Variants in GLB1L2 observed in about 807,000 individuals in gnomAD.
The protein encoded by GLB1L2 is beta-galactosidase-1-like protein 2.
In GLB1L2, 68 loss-of-function variants were observed where a neutral mutation model predicts 84.1. The observed-to-expected ratio is 0.81, with a 90% confidence interval of 0.67 to 0.99. The LOEUF is 0.99. Among genes scored for constraint, GLB1L2 ranks in the 50% least tolerant of loss-of-function variants. GLB1L2 has a pLI of 0.00. For missense variants in GLB1L2, 762 were observed against 805.6 expected (o/e 0.95, Z 0.66); for synonymous variants, 290 against 318.0 (o/e 0.91, Z 0.94).
chr11:134,355,423 GA>G (rs1323383196), intron 5 of GLB1L2, among the ~76,000 whole-genome samples: 2 of 151,956 alleles, frequency 1.3e-5, no homozygotes, highest in African/African-American at 4.8e-5. Flanking sequence ...TTGGGCTTTT[GA>G]AAAAACAAAC....
intron 1 of GLB1L2, among the ~76,000 whole-genome samples, chr11:134,340,559 C>CCTTT (rs1434479923): frequency 6.6e-6 from 1 of 152,166 alleles, no homozygotes; most frequent in African/African-American, 2.4e-5. Flanking sequence ...CAAAGCAAAG[C>CCTTT]GCCTGGTGAG....
At chr11:134,374,900 C>T in intron 18 of GLB1L2, 72 bp from the exon 19 acceptor site, 9 of 1,437,786 alleles carry the variant, frequency 6.3e-6, no homozygotes, top group Non-Finnish European at 7.7e-6. Flanking sequence ...TCTGACCCTG[C>T]CACCTCTCAG....
chr11:134,372,174 A>G (rs1489807639), intron 15 of GLB1L2, among the ~76,000 whole-genome samples: 1 of 152,180 alleles, frequency 6.6e-6, no homozygotes, highest in Non-Finnish European at 1.5e-5. Context: ...CCAGGAATCC[A>G]AGGAAAGGCA....
At chr11:134,374,755 C>T (rs776853708) in intron 18 of GLB1L2, 37 bp downstream of exon 18, 1 of 1,517,060 alleles carries the variant, frequency 6.6e-7, no homozygotes, top group Non-Finnish European at 9.1e-7. Flanking sequence ...CCCCATGACG[C>T]CCTGCCCACC....
Position 134,340,429 on chromosome 11 carries a change from G to C in GLB1L2, c.87-2325G>C, listed in dbSNP as rs1454173062. Among the ~76,000 whole-genome samples the C allele has an allele frequency of 1.3e-5, 2 of 152,224 alleles. 1 individual carries two copies. The highest frequency in any genetic ancestry group is 4.8e-5 in the African/African-American group (2 of 41,452). Reference sequence around the variant, plus strand: ...CATGTGCCTCTGAGGGAACCAGGGGGAGAACCTGTGTTGCGGCGGGCAGGT... The same window carrying C: ...CATGTGCCTCTGAGGGAACCAGGGGCAGAACCTGTGTTGCGGCGGGCAGGT... On this transcript the variant is annotated intron_variant, in intron 1 of 18. Transcript: ENST00000535456.
intron 1 of GLB1L2, among the ~76,000 whole-genome samples, chr11:134,342,215 T>G (rs867317243): frequency 5.0e-4 from 76 of 152,158 alleles, no homozygotes; most frequent in African/African-American, 1.7e-3. Flanking sequence ...TGGGGGACTC[T>G]GCTCTAGCTG....
At chr11:134,353,153 A>G (rs754613572) in intron 5 of GLB1L2, among the ~76,000 whole-genome samples, 4 of 152,160 alleles carry the variant, frequency 2.6e-5, no homozygotes, top group Non-Finnish European at 4.4e-5. Context: ...TCATGCCTGT[A>G]ATCCTAGCAC....
At chr11:134,361,773 T>G (rs1191805099) in intron 7 of GLB1L2, among the ~76,000 whole-genome samples, 2 of 152,252 alleles carry the variant, frequency 1.3e-5, no homozygotes, top group South Asian at 4.2e-4. Flanking sequence ...GCTGCTTGGC[T>G]GCATCCCGCG....
In GLB1L2 at chr11:134,370,070, G is replaced by T. The variant is rs1943926872; in HGVS notation, c.1108+185G>T. Among the ~76,000 whole-genome samples the T allele has an allele frequency of 1.3e-5, 2 of 152,178 alleles. No homozygotes were observed. Among genetic ancestry groups the T allele is most frequent in the South Asian group, 4.1e-4 (2 of 4,834 alleles). On this transcript the variant is annotated intron_variant, in intron 11 of 18. Coordinates refer to ENST00000535456, the MANE Select transcript of GLB1L2 (RefSeq NM_001370461.1). This position sits in a 1 kb window ranked among gnomAD's most constrained non-coding sequence, Gnocchi z 4.7. ...CTTGCCGGCTTCACCTGTTACAGGT[G>T]TTAACGCTCCTTATCTCCTGTGGAG...
At chr11:134,374,089 G>T in intron 16 of GLB1L2, 56 bp from the exon 17 acceptor site, 3 of 1,326,964 alleles carry the variant, frequency 2.3e-6, no homozygotes, top group South Asian at 1.2e-5. Flanking sequence ...TTGCTTTATT[G>T]TGCTGGTGGA....
chr11:134,336,463 T>G lies in GLB1L2; in HGVS notation c.86+4316T>G, dbSNP rs1178013293. ...CCCACTTGTCCATTAGACACATAAT[T>G]TATTTAAACAGCCTTCTACTGATGG... On this transcript the variant is annotated intron_variant, in intron 1 of 18. Coordinates refer to ENST00000535456, the MANE Select transcript of GLB1L2 (RefSeq NM_001370461.1). 2.0e-5 allele frequency among the ~76,000 whole-genome samples: 3 copies of G among 152,216 alleles called. No homozygotes were observed. The East Asian group carries it at 5.8e-4, about 29-fold the overall frequency.
In GLB1L2 at chr11:134,342,949, C is replaced by A; in HGVS notation, c.282C>A (p.Thr94=). 6.2e-7 allele frequency: 1 copy of A among 1,609,216 alleles called. No individual in the cohort carries two copies. The highest frequency in any genetic ancestry group is 8.5e-7 in the Non-Finnish European group (1 of 1,176,710). ...KMKACGLNTL[T]TYVPWNLHEP... is the part of the protein sequence containing the mutation. ...AGGCCTGTGGCTTGAACACCCTCAC[C>A]ACGTAGGTGCTGCCCCTGTCCCCCC... is the stretch of plus-strand genomic sequence containing the variant. Residue 94 remains threonine (T), a splice_region_variant and synonymous_variant, in exon 2 of 19, where the codon ACC becomes ACA. Coordinates refer to ENST00000535456, the MANE Select transcript of GLB1L2 (RefSeq NM_001370461.1).
chr11:134,337,489 C>T (rs919123425), intron 1 of GLB1L2, among the ~76,000 whole-genome samples: 3 of 152,182 alleles, frequency 2.0e-5, no homozygotes, highest in Non-Finnish European at 4.4e-5. Context: ...TTAAGGGCAC[C>T]ATCTGGGCCA....
intron 8 of GLB1L2, among the ~76,000 whole-genome samples, chr11:134,365,294 G>A (rs937628906): frequency 6.6e-6 from 1 of 152,326 alleles, no homozygotes; most frequent in East Asian, 1.9e-4. Context: ...GAGGTGGGAG[G>A]GCTGGCCCCG....
At chr11:134,362,809 G>A (rs1036233610) in intron 7 of GLB1L2, among the ~76,000 whole-genome samples, 1 of 152,224 alleles carries the variant, frequency 6.6e-6, no homozygotes, top group Non-Finnish European at 1.5e-5. Context: ...TGAGGACAGG[G>A]CATCCTCCCA....
intron 5 of GLB1L2, 71 bp from the exon 6 acceptor site, chr11:134,356,230 G>A: frequency 8.7e-7 from 1 of 1,144,808 alleles, no homozygotes; most frequent in Non-Finnish European, 1.3e-6. Context: ...CACTGGTGAT[G>A]GGCGTGGCAG....
chr11:134,344,636 G>A (rs1943519533), intron 3 of GLB1L2, among the ~76,000 whole-genome samples, 181 bp downstream of exon 3: 1 of 152,266 alleles, frequency 6.6e-6, no homozygotes, highest in African/African-American at 2.4e-5. Context: ...TCACCCAGAG[G>A]GACTGGGCCT....
intron 5 of GLB1L2, among the ~76,000 whole-genome samples, chr11:134,355,657 T>A: frequency 6.6e-6 from 1 of 152,224 alleles, no homozygotes; most frequent in East Asian, 1.9e-4. Flanking sequence ...TGGCCTTAGA[T>A]GCTTTTCATT....
rs1005562098 is a variant in GLB1L2 at position 134,338,314 on chromosome 11, T to C, written c.87-4440T>C. ...GGTGATGCAGGGATGCCCGCTGGCA[T>C]GGCAGGACGCATTTCAAGCCTGGCA... On this transcript the variant is annotated intron_variant, in intron 1 of 18. Coordinates refer to ENST00000535456, the MANE Select transcript of GLB1L2 (RefSeq NM_001370461.1). This position sits in a 1 kb window ranked among gnomAD's most constrained non-coding sequence, Gnocchi z 6.2. Among the ~76,000 whole-genome samples, 1 of 152,212 alleles carries C rather than the reference T, an allele frequency of 6.6e-6. No homozygotes were observed. Among genetic ancestry groups the C allele is most frequent in the Non-Finnish European group, 1.5e-5 (1 of 68,038 alleles).
Sources: allele counts gnomAD v4.1 joint callset (sites outside exome capture counted in the v4.1 genomes callset), GRCh38; gene constraint gnomAD v4.1.1; non-coding constraint Gnocchi (gnomAD v3.1); transcripts MANE v1.5; gene names NCBI Gene and HGNC (gene_info 2026-07-23, HGNC 2026-07-21).